Variants in CNTNAP2 observed in about 807,000 individuals in gnomAD.
The protein encoded by CNTNAP2 is contactin-associated protein-like 2.
In CNTNAP2, 98 loss-of-function variants were observed where a neutral mutation model predicts 155.2. That is an observed-to-expected ratio of 0.63 (90% confidence interval 0.54 to 0.75). CNTNAP2 has a LOEUF of 0.75. Among genes scored for constraint, CNTNAP2 ranks in the 30% least tolerant of loss-of-function variants. The pLI, the probability that CNTNAP2 is intolerant of heterozygous loss-of-function variation, is 0.00. For synonymous variants in CNTNAP2, 651 were observed against 631.2 expected, an observed-to-expected ratio of 1.03 and a Z score of -0.47; for missense variants, 1,727 against 1,688.1, an observed-to-expected ratio of 1.02 and a Z score of -0.40.
chr7:148,039,420 C>A (rs974318326), intron 15 of CNTNAP2, among the ~76,000 whole-genome samples: 2 of 152,166 alleles, frequency 1.3e-5, no homozygotes, highest in African/African-American at 2.4e-5. Context: ...ATTCACACCC[C>A]AATCTCCTCT....
intron 11 of CNTNAP2, among the ~76,000 whole-genome samples, chr7:147,522,612 C>T (rs1799247090): frequency 6.6e-6 from 1 of 151,792 alleles, no homozygotes; most frequent in African/African-American, 2.4e-5. Flanking sequence ...GGATAAGGAG[C>T]AGTAAACATT....
intron 5 of CNTNAP2, among the ~76,000 whole-genome samples, chr7:147,118,122 G>C (rs1179820361): frequency 1.3e-5 from 2 of 152,016 alleles, no homozygotes; most frequent in African/African-American, 4.8e-5. Context: ...AACACCCAAT[G>C]CTTAATTTTT....
At chr7:147,939,062 A>G (rs1322679704) in intron 14 of CNTNAP2, among the ~76,000 whole-genome samples, 1 of 152,194 alleles carries the variant, frequency 6.6e-6, no homozygotes, top group African/African-American at 2.4e-5. Flanking sequence ...GGGTTCACTT[A>G]TCTTTGATAA....
intron 10 of CNTNAP2, among the ~76,000 whole-genome samples, chr7:147,460,131 T>TA (rs1013147471): frequency 6.6e-6 from 1 of 150,852 alleles, no homozygotes; most frequent in African/African-American, 2.4e-5. Flanking sequence ...TCCCAGAACT[T>TA]AAAAAAAAAG....
chr7:148,081,782 G>A (rs1803609726), intron 15 of CNTNAP2, among the ~76,000 whole-genome samples: 1 of 151,970 alleles, frequency 6.6e-6, no homozygotes, highest in African/African-American at 2.4e-5. Context: ...GGCCTGAGGG[G>A]GTAGTAATTT....
At chr7:148,370,374 A>G (rs1006880705) in intron 21 of CNTNAP2, among the ~76,000 whole-genome samples, 18 of 152,200 alleles carry the variant, frequency 1.2e-4, no homozygotes, top group African/African-American at 3.9e-4. Context: ...ACGCAGAAAG[A>G]GAGTCAGGGA....
chr7:147,170,153 C>T (rs936653500), intron 8 of CNTNAP2, among the ~76,000 whole-genome samples: 11 of 152,130 alleles, frequency 7.2e-5, no homozygotes, highest in African/African-American at 2.2e-4. Flanking sequence ...CCACACAAGA[C>T]TCTGTGCAGG....
intron 3 of CNTNAP2, among the ~76,000 whole-genome samples, chr7:146,869,440 T>C (rs1203057860): frequency 1.3e-5 from 2 of 152,108 alleles, no homozygotes; most frequent in Non-Finnish European, 2.9e-5. Flanking sequence ...CAGGATTCTC[T>C]AGAGGGACAG....
chr7:147,372,014 C>T (rs1796356553), intron 9 of CNTNAP2, among the ~76,000 whole-genome samples: 1 of 152,052 alleles, frequency 6.6e-6, no homozygotes, highest in Admixed American at 6.6e-5. Context: ...CCACAAAGGG[C>T]TGTGAGAGAG....
chr7:147,833,505 A>G (rs1798587984), intron 13 of CNTNAP2, among the ~76,000 whole-genome samples: 2 of 152,160 alleles, frequency 1.3e-5, no homozygotes, highest in Non-Finnish European at 2.9e-5. Flanking sequence ...GACGGAAAGG[A>G]GTCCTGAGGT....
At chr7:148,021,860 G>A (rs1802284800) in intron 15 of CNTNAP2, among the ~76,000 whole-genome samples, 1 of 152,190 alleles carries the variant, frequency 6.6e-6, no homozygotes. Flanking sequence ...GGCCGGGTGA[G>A]CGTGGGGAAG....
At chr7:147,831,533 A>G (rs12540078) in intron 13 of CNTNAP2, among the ~76,000 whole-genome samples, 1,695 of 152,326 alleles carry the variant, frequency 0.011, 95 homozygotes, top group Admixed American at 0.091. Context: ...TAGGAGAACA[A>G]CGTGTAAGAC....
intron 4 of CNTNAP2, among the ~76,000 whole-genome samples, chr7:147,100,541 G>C (rs1563076706): frequency 6.6e-6 from 1 of 152,158 alleles, no homozygotes; most frequent in Non-Finnish European, 1.5e-5. Flanking sequence ...TCATACAGGA[G>C]TTCAATGTTT....
intron 1 of CNTNAP2, among the ~76,000 whole-genome samples, chr7:146,633,177 T>C (rs888599039): frequency 6.6e-6 from 1 of 152,202 alleles, no homozygotes; most frequent in Non-Finnish European, 1.5e-5. Flanking sequence ...CCGTAGATTA[T>C]ACTTTTCAGA....
At chr7:147,134,745 G>C (rs1032284314) in intron 8 of CNTNAP2, among the ~76,000 whole-genome samples, 1 of 151,834 alleles carries the variant, frequency 6.6e-6, no homozygotes, top group African/African-American at 2.4e-5. Flanking sequence ...GCAACACTGA[G>C]AAAACAGTTA....
intron 2 of CNTNAP2, among the ~76,000 whole-genome samples, chr7:146,784,872 T>C (rs1427706470): frequency 1.3e-5 from 2 of 152,220 alleles, no homozygotes; most frequent in Non-Finnish European, 1.5e-5. Flanking sequence ...CAAAAAGCTT[T>C]ATCAAATATT....
intron 21 of CNTNAP2, among the ~76,000 whole-genome samples, chr7:148,336,636 G>C (rs1181616790): frequency 6.6e-6 from 1 of 151,974 alleles, no homozygotes; most frequent in African/African-American, 2.4e-5. Flanking sequence ...ATGCGATCTA[G>C]TTTCCCTCTG....
At chr7:147,817,721 G>A (rs1048760423) in intron 13 of CNTNAP2, among the ~76,000 whole-genome samples, 2 of 152,068 alleles carry the variant, frequency 1.3e-5, no homozygotes, top group Admixed American at 6.5e-5. Context: ...GGCTAACATG[G>A]TGAAACCCTG....
chr7:146,676,499 G>A (rs1193734379), intron 1 of CNTNAP2, among the ~76,000 whole-genome samples: 2 of 151,680 alleles, frequency 1.3e-5, no homozygotes, highest in Non-Finnish European at 2.9e-5. Context: ...GTATATGTGC[G>A]GGTTTGTAAA....
Sources: gnomAD v4.1 joint callset for allele counts (sites outside exome capture counted in the v4.1 genomes callset) on GRCh38, gnomAD v4.1.1 for gene constraint, MANE v1.5 for transcripts, NCBI Gene and HGNC (gene_info 2026-07-23, HGNC 2026-07-21) for gene names.